ACSL6: variants seen among roughly 807,000 people sequenced by gnomAD.
ACSL6 encodes the protein long-chain-fatty-acid--CoA ligase 6.
ACSL6 carries 47 observed loss-of-function variants against 98.2 expected under a neutral mutation model. The observed-to-expected ratio is 0.48, with a 90% CI of 0.38 to 0.61. ACSL6 has a LOEUF of 0.61. Ranked by LOEUF, ACSL6 falls within the 20% of genes least tolerant of loss-of-function variation. The pLI, the probability that ACSL6 is intolerant of heterozygous loss-of-function variation, is 0.00. For missense variants in ACSL6, 761 were observed against 913.4 expected (o/e 0.83, Z 2.15); for synonymous variants, 362 against 336.9 (o/e 1.07, Z -0.82).
intron 9 of ACSL6, among the ~76,000 whole-genome samples, chr5:131,979,084 C>G (rs143186150): frequency 1.5e-4 from 23 of 152,330 alleles, no homozygotes; most frequent in African/African-American, 4.8e-4. Context: ...CTAATTTTAT[C>G]TCTGCCTATC....
intron 1 of ACSL6, among the ~76,000 whole-genome samples, chr5:132,008,175 G>T (rs2126970153): frequency 6.6e-6 from 1 of 152,302 alleles, no homozygotes; most frequent in African/African-American, 2.4e-5. Flanking sequence ...CACCTGTTCT[G>T]CCTGGAGCTC....
At chr5:131,973,032 G>A (rs1025922487) in intron 12 of ACSL6, among the ~76,000 whole-genome samples, 174 bp from the exon 13 acceptor site, 3 of 152,194 alleles carry the variant, frequency 2.0e-5, no homozygotes, top group Admixed American at 2.0e-4. Flanking sequence ...CAGGGTCCAG[G>A]CATGCTGTGA....
In ACSL6 at chr5:131,950,699, G is replaced by T. The variant is rs986173103; in HGVS notation, c.*3535C>A. 43 of 191,720 alleles carry T rather than the reference G, an allele frequency of 2.2e-4. No homozygotes were observed. Among genetic ancestry groups the T allele is most frequent in the Admixed American group, 2.1e-3 (35 of 16,354 alleles). The allele number at this position is 191,720 out of a possible 1,614,324, so 11.9% of individuals were successfully genotyped here. On this transcript the variant is annotated 3_prime_UTR_variant, in exon 21 of 21. Transcript: ENST00000651883. ...TTTTAAATAACTATATTGCATTTGT[G>T]CTTCATACATTTGGAAAATAAAGGA...
intron 8 of ACSL6, among the ~76,000 whole-genome samples, chr5:131,986,275 G>A (rs956376769): frequency 5.3e-5 from 8 of 152,306 alleles, no homozygotes; most frequent in African/African-American, 1.9e-4. Context: ...TGAAGGGAGA[G>A]GGAAGGACTG....
At chr5:131,987,269 G>C (rs1421843083) in intron 7 of ACSL6, among the ~76,000 whole-genome samples, 1 of 152,232 alleles carries the variant, frequency 6.6e-6, no homozygotes, top group Non-Finnish European at 1.5e-5. Flanking sequence ...CAATCCGAGT[G>C]TGAGCATGTT....
intron 2 of ACSL6, chr5:131,993,203 C>T (rs1754617994): frequency 6.6e-6 from 1 of 152,348 alleles, no homozygotes; most frequent in Admixed American, 6.5e-5. Flanking sequence ...CTGCACCCTC[C>T]CCTACAAGGC....
At chr5:131,992,394 C>T (rs186587645) in intron 2 of ACSL6, among the ~76,000 whole-genome samples, 7 of 152,324 alleles carry the variant, frequency 4.6e-5, no homozygotes, top group Admixed American at 6.5e-5. Flanking sequence ...CCTGTCTGAT[C>T]TGGGCCCCTC....
chr5:131,991,772 C>G (rs407204), intron 2 of ACSL6, among the ~76,000 whole-genome samples: 93,292 of 152,002 alleles, frequency 0.61, 33,295 homozygotes, highest in Non-Finnish European at 0.8. Context: ...TTTGAGCTAC[C>G]CTGGGCTGGG....
At chr5:131,969,565 T>C (rs565197979) in intron 15 of ACSL6, among the ~76,000 whole-genome samples, 9 of 152,296 alleles carry the variant, frequency 5.9e-5, no homozygotes, top group African/African-American at 2.2e-4. Context: ...GGAAAAATGT[T>C]TATAATATCA....
intron 10 of ACSL6, chr5:131,975,670 G>A: frequency 1.0e-6 from 1 of 985,350 alleles, no homozygotes; most frequent in Non-Finnish European, 1.2e-6. Context: ...CCAGCAAAGG[G>A]AGGGCCCAGG....
chr5:131,990,753 A>T, intron 3 of ACSL6, 100 bp downstream of exon 3: 1 of 1,082,486 alleles, frequency 9.2e-7, no homozygotes. Context: ...GGGATAGCTC[A>T]CCTGCCATGG....
intron 11 of ACSL6, among the ~76,000 whole-genome samples, chr5:131,974,365 T>G (rs10052554): frequency 0.072 from 10,978 of 152,288 alleles, 797 homozygotes; most frequent in African/African-American, 0.19. Flanking sequence ...TTCCCCAACT[T>G]TACTCTTTTG....
chr5:131,963,561 T>C (rs1445808342), intron 17 of ACSL6, among the ~76,000 whole-genome samples: 1 of 152,148 alleles, frequency 6.6e-6, no homozygotes, highest in African/African-American at 2.4e-5. Context: ...ACGACCAAGC[T>C]TCTCAAGCCT....
In ACSL6 at chr5:131,951,605, A is replaced by C. The variant is rs1327471372; in HGVS notation, c.*2629T>G. The C allele has an allele frequency of 5.6e-6, 1 of 177,798 alleles. No homozygotes were observed. The highest frequency in any genetic ancestry group is 1.2e-5 in the Non-Finnish European group (1 of 83,350). 11.0% of individuals were successfully genotyped at this position (177,798 alleles called of 1,614,324 possible). Reference sequence around the variant, plus strand: ...TGTTTTTTTTTTTTCTTTCTTTTTGAGACGGAGTCTCGTTCTGTTGCCCAG... The same window carrying C: ...TGTTTTTTTTTTTTCTTTCTTTTTGCGACGGAGTCTCGTTCTGTTGCCCAG... On this transcript the variant is annotated 3_prime_UTR_variant, in exon 21 of 21. Transcript: ENST00000651883.
rs576447260 is a variant in ACSL6, at chr5:131,975,393, G to A, written c.991-423C>T. 4 of 985,414 alleles carry A rather than the reference G, an allele frequency of 4.1e-6. No individual in the cohort carries two copies. The East Asian group carries it at 4.5e-4, about 112-fold the overall frequency. 61.0% of individuals were successfully genotyped at this position (985,414 alleles called of 1,614,324 possible). A position where few individuals can be genotyped will look rare whatever the true frequency, so the allele number is the denominator to read the frequency against. On this transcript the variant is annotated intron_variant, in intron 10 of 20. Coordinates refer to ENST00000651883, the MANE Select transcript of ACSL6 (RefSeq NM_001009185.3). ...TCTCCCCTTCCTCCCCACACCTGCA[G>A]GACCTGCCCCACACCCCATTTCTCC... is the stretch of plus-strand genomic sequence containing the variant.
chr5:131,975,809 C>T (rs1193855538), intron 10 of ACSL6: 5 of 985,368 alleles, frequency 5.1e-6, no homozygotes, highest in African/African-American at 1.7e-5. Context: ...CCCTGCTCTC[C>T]ACCCCTTTGC....
chr5:131,972,701 T>C, intron 13 of ACSL6, 23 bp downstream of exon 13: 1 of 1,613,940 alleles, frequency 6.2e-7, no homozygotes, highest in South Asian at 1.1e-5. Flanking sequence ...TGTCACTCTA[T>C]AATCACTTGT....
chr5:131,976,919 G>A (rs1299923264), intron 9 of ACSL6, among the ~76,000 whole-genome samples, 198 bp from the exon 10 acceptor site: 5 of 152,146 alleles, frequency 3.3e-5, no homozygotes, highest in Non-Finnish European at 7.4e-5. Context: ...CTACCATTAG[G>A]CTCCCACCAG....
At chr5:131,983,248 C>G (rs1383416605) in intron 9 of ACSL6, 1 of 152,138 alleles carries the variant, frequency 6.6e-6, no homozygotes, top group African/African-American at 2.4e-5. Context: ...AAATGAACAG[C>G]AAACCACATG....
Sources: allele counts gnomAD v4.1 joint callset (sites outside exome capture counted in the v4.1 genomes callset), GRCh38; gene constraint gnomAD v4.1.1; transcripts MANE v1.5; gene names NCBI Gene and HGNC (gene_info 2026-07-23, HGNC 2026-07-21).